Variants in MED13 observed in about 807,000 individuals in gnomAD.
The protein encoded by MED13 is mediator complex subunit 13.
Under a neutral mutation model 225.2 loss-of-function variants are expected in MED13, and 23 were observed. That is an observed-to-expected ratio of 0.10 (90% confidence interval 0.07 to 0.14). MED13 has a LOEUF of 0.14. Among genes scored for constraint, MED13 ranks in the 10% least tolerant of loss-of-function variants. MED13 has a pLI of 1.00. For synonymous variants in MED13, 942 were observed against 889.2 expected, an observed-to-expected ratio of 1.06 and a Z score of -1.06; for missense variants, 2,197 against 2,594.5, an observed-to-expected ratio of 0.85 and a Z score of 3.33.
intron 20 of MED13, among the ~76,000 whole-genome samples, chr17:61,964,417 A>G (rs1189227788): frequency 1.3e-5 from 2 of 152,084 alleles, no homozygotes; most frequent in Non-Finnish European, 2.9e-5. Context: ...ACAAAAAAGT[A>G]GCTGGGCATG....
chr17:62,065,059 C>T, intron 1 of MED13, 81 bp downstream of exon 1: 1 of 1,316,464 alleles, frequency 7.6e-7, no homozygotes, highest in Non-Finnish European at 1.0e-6. Flanking sequence ...GCATCTGGAC[C>T]AGACCCGGCC....
At chr17:62,043,175 A>G (rs921739835) in intron 3 of MED13, among the ~76,000 whole-genome samples, 6 of 149,250 alleles carry the variant, frequency 4.0e-5, no homozygotes, top group African/African-American at 1.2e-4. Flanking sequence ...AAAAAAAAAA[A>G]AAAAAAAAAG....
At chr17:62,042,577 A>C (rs952747155) in intron 3 of MED13, among the ~76,000 whole-genome samples, 2 of 151,332 alleles carry the variant, frequency 1.3e-5, no homozygotes, top group Non-Finnish European at 2.9e-5. Flanking sequence ...AAAAAAAAAA[A>C]AAACCAAAAA....
chr17:61,964,989 A>T lies in MED13; in HGVS notation c.4844+17T>A, dbSNP rs2097958787. The T allele has an allele frequency of 6.3e-7, 1 of 1,589,832 alleles. No homozygotes were observed. Among genetic ancestry groups the T allele is most frequent in the African/African-American group, 1.4e-5 (1 of 73,690 alleles). On this transcript the variant is annotated intron_variant, in intron 20 of 29. Transcript: ENST00000397786. Reference sequence around the variant, plus strand: ...TAGTTTTTATATTTCTGCAAAAATCAGTATTTTTAAAGGTACCTTTCAGAC... The same window carrying T: ...TAGTTTTTATATTTCTGCAAAAATCTGTATTTTTAAAGGTACCTTTCAGAC...
At chr17:62,023,312 G>A (rs1041491030) in intron 8 of MED13, among the ~76,000 whole-genome samples, 4 of 152,064 alleles carry the variant, frequency 2.6e-5, no homozygotes, top group South Asian at 2.1e-4. Flanking sequence ...ATAGAGAACC[G>A]GTTATACAAA....
intron 2 of MED13, among the ~76,000 whole-genome samples, chr17:62,057,526 C>G (rs1422395216): frequency 6.6e-6 from 1 of 151,754 alleles, no homozygotes; most frequent in Non-Finnish European, 1.5e-5. Flanking sequence ...AAATTACTCT[C>G]TTTAGACTAT....
chr17:61,964,146 T>G (rs965253633), intron 20 of MED13, among the ~76,000 whole-genome samples: 2 of 152,240 alleles, frequency 1.3e-5, no homozygotes, highest in African/African-American at 4.8e-5. Context: ...TTGACAATTA[T>G]GCCACAGAAG....
chr17:62,034,995 C>T (rs1206348310), intron 4 of MED13, among the ~76,000 whole-genome samples: 5 of 151,972 alleles, frequency 3.3e-5, no homozygotes, highest in African/African-American at 9.7e-5. Context: ...GTGGAACGCG[C>T]CTGTAACCCC....
intron 8 of MED13, among the ~76,000 whole-genome samples, chr17:62,028,081 C>T (rs903458085): frequency 7.9e-5 from 12 of 152,126 alleles, no homozygotes; most frequent in Admixed American, 2.0e-4. Flanking sequence ...AATCATTCTA[C>T]CATAAAGACA....
In MED13 at chr17:62,011,185, T is replaced by C; in HGVS notation, c.1332A>G (p.Pro444=). 1 of 1,614,188 alleles carries C rather than the reference T, an allele frequency of 6.2e-7. No homozygotes were observed. Among genetic ancestry groups the C allele is most frequent in the Non-Finnish European group, 8.5e-7 (1 of 1,180,014 alleles). The change falls in exon 9 of 30, where the codon CCA becomes CCG. Residue 444 remains proline, a synonymous_variant. Coordinates refer to ENST00000397786, the MANE Select transcript of MED13 (RefSeq NM_005121.3). ...GTATTTGTTGTTGCTGACCTAAAGA[T>C]GGTGCCTGTCCTTGTTGTCCAGCAT... ...SRNAGQQGQA[P]SLGQQQQILP...
chr17:62,001,403 C>G (rs1019215433), intron 9 of MED13, among the ~76,000 whole-genome samples: 1 of 152,190 alleles, frequency 6.6e-6, no homozygotes, highest in African/African-American at 2.4e-5. Flanking sequence ...TCCTTTCACA[C>G]AGACATATCT....
intron 8 of MED13, among the ~76,000 whole-genome samples, chr17:62,013,121 T>C (rs924098697): frequency 2.6e-5 from 4 of 151,786 alleles, no homozygotes; most frequent in Non-Finnish European, 5.9e-5. Flanking sequence ...GCCTGAGATA[T>C]CTTATTGTGC....
intron 8 of MED13, among the ~76,000 whole-genome samples, chr17:62,014,675 A>T (rs1204146950): frequency 6.6e-6 from 1 of 152,074 alleles, no homozygotes; most frequent in African/African-American, 2.4e-5. Context: ...CTAATTTTTT[A>T]AGAGACAAGT....
intron 17 of MED13, among the ~76,000 whole-genome samples, chr17:61,970,526 C>A (rs766934248): frequency 6.6e-6 from 1 of 151,718 alleles, no homozygotes; most frequent in Non-Finnish European, 1.5e-5. Context: ...AGTAAAAATA[C>A]AAAAATTAGC....
At position 61,955,365 on chromosome 17, in the gene MED13, T is replaced by C. The variant is rs760883510; in HGVS notation, c.5968+17A>G. On this transcript the variant is annotated intron_variant, in intron 26 of 29. Transcript: ENST00000397786. ...GGGGGTATTCTTCAGACTACCAAAATGGAACAAATTACGTACCATTGTTGG... is the reference window on the plus strand; with the variant it reads ...GGGGGTATTCTTCAGACTACCAAAACGGAACAAATTACGTACCATTGTTGG... The C allele has an allele frequency of 2.0e-6, 3 of 1,499,902 alleles. No individual in the cohort carries two copies. The highest frequency in any genetic ancestry group is 1.4e-5 in the African/African-American group (1 of 71,338). 92.9% of individuals were successfully genotyped at this position (1,499,902 alleles called of 1,614,324 possible). A position where few individuals can be genotyped will look rare whatever the true frequency, so the allele number is the denominator to read the frequency against.
rs769452442 is a variant in MED13 at position 62,029,888 on chromosome 17, C to G, written c.1135G>C (p.Val379Leu). The change falls in exon 7 of 30, where the codon GTT becomes CTT. Residue 379 changes from valine to leucine, a missense_variant. This residue lies in a region of MED13 where 884 missense variants were observed against 918.5 expected (regional missense o/e 0.96). Coordinates refer to ENST00000397786, the MANE Select transcript of MED13 (RefSeq NM_005121.3). ...CTGTTCATATTGCATTCTTGCCAAA[C>G]TCTATCCACCACATGATTTGCTAAT... is the stretch of plus-strand genomic sequence containing the variant. ...RKLANHVVDR[V>L]WQECNMNRAQ... 5.0e-6 allele frequency: 8 copies of G among 1,613,422 alleles called. No homozygotes were observed. The highest frequency in any genetic ancestry group is 5.9e-6 in the Non-Finnish European group (7 of 1,179,844).
At chr17:61,994,987 A>G (rs966381210) in intron 10 of MED13, among the ~76,000 whole-genome samples, 165 bp downstream of exon 10, 1 of 152,244 alleles carries the variant, frequency 6.6e-6, no homozygotes, top group African/African-American at 2.4e-5. Context: ...CTGGTATTAC[A>G]GGCATGAGCC....
intron 8 of MED13, among the ~76,000 whole-genome samples, chr17:62,025,497 G>A (rs1245126967): frequency 2.6e-5 from 4 of 151,986 alleles, no homozygotes; most frequent in Admixed American, 6.6e-5. Context: ...GTGAAACCCC[G>A]TCTCTACTAA....
At chr17:61,997,772 G>T (rs914711845) in intron 9 of MED13, among the ~76,000 whole-genome samples, 6 of 152,056 alleles carry the variant, frequency 3.9e-5, no homozygotes, top group African/African-American at 1.4e-4. Flanking sequence ...ACTCTCTGTA[G>T]AGACAAATAA....
Sources: allele counts gnomAD v4.1 joint callset (sites outside exome capture counted in the v4.1 genomes callset), GRCh38; gene constraint gnomAD v4.1.1; regional missense constraint gnomAD v4.1.1; transcripts MANE v1.5; gene names NCBI Gene and HGNC (gene_info 2026-07-23, HGNC 2026-07-21).